The following PITPNA variants were observed in gnomAD, a reference collection of about 807,000 sequenced individuals.
PITPNA encodes phosphatidylinositol transfer protein alpha.
In PITPNA, 13 loss-of-function variants were observed where a neutral mutation model predicts 50.3. That is an observed-to-expected ratio of 0.26 (90% confidence interval 0.17 to 0.41). The LOEUF (loss-of-function observed/expected upper bound fraction) is 0.41. Ranked by LOEUF, PITPNA falls within the 10% of genes least tolerant of loss-of-function variation. The pLI is 1.00. For synonymous variants in PITPNA, 120 were observed against 119.6 expected (o/e 1.00, Z -0.02); for missense variants, 207 against 333.4 (o/e 0.62, Z 2.95).
chr17:1,557,283 G>A (rs1028064576), intron 2 of PITPNA, among the ~76,000 whole-genome samples: 2 of 152,204 alleles, frequency 1.3e-5, no homozygotes, highest in African/African-American at 4.8e-5. Flanking sequence ...ACCCCTCTCG[G>A]GGGCCAACAA....
chr17:1,542,414 C>A (rs1002753935), intron 5 of PITPNA, among the ~76,000 whole-genome samples: 1 of 152,310 alleles, frequency 6.6e-6, no homozygotes, highest in Admixed American at 6.5e-5. Flanking sequence ...AGTAACTGAA[C>A]CCTTCAAGCT....
chr17:1,519,049 C>G lies in PITPNA; in HGVS notation c.*1512G>C, dbSNP rs982193078. On this transcript the variant is annotated 3_prime_UTR_variant, in exon 12 of 12. Transcript: ENST00000313486. ...TCTGTCCACCCTTGCCCCAGGAGGG[C>G]CACAGGGAAGCATCCATCAGGATGT... The G allele has an allele frequency of 6.6e-6, 1 of 151,892 alleles. No homozygotes were observed. Among genetic ancestry groups the G allele is most frequent in the African/African-American group, 2.4e-5 (1 of 41,412 alleles). 9.4% of individuals were successfully genotyped at this position (151,892 alleles called of 1,614,324 possible).
intron 4 of PITPNA, among the ~76,000 whole-genome samples, chr17:1,545,738 C>T (rs1416515887): frequency 6.6e-6 from 1 of 152,134 alleles, no homozygotes; most frequent in African/African-American, 2.4e-5. Context: ...CAACACTCTT[C>T]CCAGAATGAC....
chr17:1,547,269 G>A (rs1350281396), intron 4 of PITPNA, among the ~76,000 whole-genome samples: 1 of 152,000 alleles, frequency 6.6e-6, no homozygotes, highest in African/African-American at 2.4e-5. Flanking sequence ...GGGAGGCTGA[G>A]GCAGAAGGAT....
At chr17:1,529,404 C>T (rs954173037) in intron 10 of PITPNA, among the ~76,000 whole-genome samples, 8 of 151,438 alleles carry the variant, frequency 5.3e-5, no homozygotes, top group Admixed American at 1.3e-4. Flanking sequence ...CGCCTCTAGT[C>T]CCAGCTACTT....
intron 9 of PITPNA, 129 bp downstream of exon 9, chr17:1,535,053 C>T (rs949128860): frequency 3.2e-6 from 2 of 628,752 alleles, no homozygotes; most frequent in Non-Finnish European, 5.8e-6. Flanking sequence ...TCCACCACCC[C>T]CCACCGCACA....
chr17:1,530,786 G>A (rs1437806784), intron 10 of PITPNA, among the ~76,000 whole-genome samples: 1 of 152,222 alleles, frequency 6.6e-6, no homozygotes, highest in Non-Finnish European at 1.5e-5. Flanking sequence ...AACCTTTTGG[G>A]AGATGGAAAA....
chr17:1,550,152 T>C (rs552547872), intron 3 of PITPNA, among the ~76,000 whole-genome samples: 51 of 152,254 alleles, frequency 3.3e-4, no homozygotes, highest in South Asian at 1.9e-3. Flanking sequence ...GGCGAGTATT[T>C]CTAGGTCCAG....
At chr17:1,559,862 T>C (rs941279872) in intron 1 of PITPNA, 4 of 725,724 alleles carry the variant, frequency 5.5e-6, no homozygotes, top group African/African-American at 1.9e-5. Flanking sequence ...TCAAACAACA[T>C]AAATCCTCCA....
intron 10 of PITPNA, among the ~76,000 whole-genome samples, chr17:1,524,526 C>T (rs1412093449): frequency 2.0e-5 from 3 of 152,042 alleles, no homozygotes; most frequent in Non-Finnish European, 4.4e-5. Flanking sequence ...TCCCAAAGTG[C>T]TTAGATTACA....
At position 1,528,748 on chromosome 17, in the gene PITPNA, A is replaced by G. The variant is rs1285735329; in HGVS notation, c.768+5351T>C. ...CGAGACTGTCTCTCTTAAAAAAAAA[A>G]AAAAGAAAAGAAAACAAAGCTACTT... is the stretch of plus-strand genomic sequence containing the variant. On this transcript the variant is annotated intron_variant, in intron 10 of 11. Transcript: ENST00000313486. Among the ~76,000 whole-genome samples, 5 of 151,916 alleles carry G rather than the reference A, an allele frequency of 3.3e-5. No homozygotes were observed. The East Asian group carries it at 7.7e-4, about 23-fold the overall frequency.
At chr17:1,554,104 A>T (rs1195082864) in intron 2 of PITPNA, among the ~76,000 whole-genome samples, 1 of 152,230 alleles carries the variant, frequency 6.6e-6, no homozygotes, top group Non-Finnish European at 1.5e-5. Flanking sequence ...CAGTGCCCAG[A>T]CTTAGCCCTT....
At chr17:1,555,131 A>G (rs544679270) in intron 2 of PITPNA, among the ~76,000 whole-genome samples, 1 of 152,264 alleles carries the variant, frequency 6.6e-6, no homozygotes, top group South Asian at 2.1e-4. Context: ...GGCCTGGTGG[A>G]GGGGGCGAGG....
chr17:1,536,894 ATTTTTTTT>A (rs35841957), intron 7 of PITPNA, among the ~76,000 whole-genome samples: 1 of 98,306 alleles, frequency 1.0e-5, no homozygotes, highest in Non-Finnish European at 2.0e-5. Context: ...TGTCCGGCCG[ATTTTTTTT>A]TTTTTTTTTT....
intron 1 of PITPNA, among the ~76,000 whole-genome samples, chr17:1,561,978 G>A (rs1003936182): frequency 4.6e-5 from 7 of 151,872 alleles, no homozygotes; most frequent in African/African-American, 7.3e-5. Flanking sequence ...CTCGGCCGCC[G>A]CGGGGCCTCT....
rs1319518195 is a variant in PITPNA, at chr17:1,562,273, GC to G, written c.20+267del. On this transcript the variant is annotated intron_variant, in intron 1 of 11. Transcript: ENST00000313486. The surrounding 1 kb of genome is among the most constrained non-coding windows in gnomAD (Gnocchi z 6.4). ...CCGGCTGCCCGTCCATGCCCCGTGG[GC>G]CCCGGCTCAGATGCCGAACGCCCCG... Among the ~76,000 whole-genome samples the G allele has an allele frequency of 6.6e-6, 1 of 151,062 alleles. No homozygotes were observed. Among genetic ancestry groups the G allele is most frequent in the Non-Finnish European group, 1.5e-5 (1 of 67,662 alleles).
At chr17:1,535,392 C>T (rs753252838) in intron 8 of PITPNA, 49 bp downstream of exon 8, 16 of 1,540,220 alleles carry the variant, frequency 1.0e-5, no homozygotes, top group Non-Finnish European at 1.4e-5. Context: ...CAGGGAGCGG[C>T]CCACCCACAT....
chr17:1,561,890 C>T (rs1293273870), intron 1 of PITPNA, among the ~76,000 whole-genome samples: 1 of 152,192 alleles, frequency 6.6e-6, no homozygotes, highest in Non-Finnish European at 1.5e-5. Context: ...CCCATCCACC[C>T]GGCTCTCCGT....
intron 2 of PITPNA, among the ~76,000 whole-genome samples, chr17:1,557,901 G>A (rs75659293): frequency 3.3e-5 from 5 of 152,254 alleles, no homozygotes; most frequent in East Asian, 1.9e-4. Flanking sequence ...GCCGAGTCAC[G>A]GACGTCCCAG....
Sources: gnomAD v4.1 joint callset for allele counts (sites outside exome capture counted in the v4.1 genomes callset) on GRCh38, gnomAD v4.1.1 for gene constraint, Gnocchi (gnomAD v3.1) non-coding constraint, MANE v1.5 for transcripts, NCBI Gene and HGNC (gene_info 2026-07-23, HGNC 2026-07-21) for gene names.